SEMA5A: variants seen among roughly 807,000 people sequenced by gnomAD.
The protein encoded by SEMA5A is semaphorin 5A.
SEMA5A carries 55 observed loss-of-function variants against 135.5 expected under a neutral mutation model. The observed-to-expected ratio is 0.41, with a 90% CI of 0.33 to 0.51. The LOEUF is 0.51. SEMA5A is among the 20% of genes least tolerant of loss of function. The pLI is 0.37. For missense variants in SEMA5A, 1,290 were observed against 1,419.9 expected, an observed-to-expected ratio of 0.91 and a Z score of 1.47; for synonymous variants, 580 against 546.5, an observed-to-expected ratio of 1.06 and a Z score of -0.85.
chr5:9,411,600 T>A (rs1385102321), intron 2 of SEMA5A, among the ~76,000 whole-genome samples: 2 of 152,078 alleles, frequency 1.3e-5, no homozygotes, highest in Non-Finnish European at 2.9e-5. Context: ...TCCCATGAAC[T>A]CAGCTGTGCT....
At chr5:9,190,240 C>T (rs1745024006) in intron 11 of SEMA5A, 27 bp downstream of exon 11, 3 of 1,605,992 alleles carry the variant, frequency 1.9e-6, no homozygotes, top group Middle Eastern at 1.7e-4. Flanking sequence ...TGGTAGAAAA[C>T]CCCTCAGAGG....
intron 5 of SEMA5A, among the ~76,000 whole-genome samples, chr5:9,248,594 T>G: frequency 6.6e-6 from 1 of 150,556 alleles, no homozygotes; most frequent in South Asian, 2.1e-4. Flanking sequence ...CTGAAGATAA[T>G]TAAATTAAGG....
At chr5:9,334,870 T>G (rs1302727420) in intron 4 of SEMA5A, among the ~76,000 whole-genome samples, 2 of 152,244 alleles carry the variant, frequency 1.3e-5, no homozygotes, top group Non-Finnish European at 2.9e-5. Context: ...TTGCTAAGTC[T>G]GGCAATCCTA....
chr5:9,447,613 T>A lies in SEMA5A; in HGVS notation c.-174-9761A>T, dbSNP rs532283429. On this transcript the variant is annotated intron_variant, in intron 1 of 22. Transcript: ENST00000382496. ...GTTTGTTTCATGTTTTATAGAGGAC[T>A]TAACACTATATGAATCCCTGAGTGT... Among the ~76,000 whole-genome samples the A allele has an allele frequency of 2.6e-5, 4 of 152,296 alleles. No individual in the cohort carries two copies. In the East Asian group the frequency reaches 7.7e-4, roughly 29 times the overall value.
At chr5:9,128,181 G>T (rs1264441185) in intron 13 of SEMA5A, among the ~76,000 whole-genome samples, 2 of 152,164 alleles carry the variant, frequency 1.3e-5, no homozygotes, top group Non-Finnish European at 2.9e-5. Flanking sequence ...TCTGTGGTGA[G>T]TTGGGCTGGC....
Position 9,408,955 on chromosome 5 carries a change from T to C in SEMA5A, c.-78+28801A>G, listed in dbSNP as rs544855361. On this transcript the variant is annotated intron_variant, in intron 2 of 22. Transcript: ENST00000382496. ...CCTCTGAGAGCACGTTGAAGAAAATTTGGGCCCATTTTAAACACAGTTTAG... is the reference window on the plus strand; with the variant it reads ...CCTCTGAGAGCACGTTGAAGAAAATCTGGGCCCATTTTAAACACAGTTTAG... Among the ~76,000 whole-genome samples the C allele has an allele frequency of 2.6e-5, 4 of 152,164 alleles. No individual in the cohort carries two copies. In the South Asian group the frequency reaches 8.3e-4, roughly 32 times the overall value.
chr5:9,320,218 C>A (rs979788706), intron 4 of SEMA5A, among the ~76,000 whole-genome samples: 1 of 152,198 alleles, frequency 6.6e-6, no homozygotes, highest in African/African-American at 2.4e-5. Flanking sequence ...CTCTGATATA[C>A]CCCAAGAGAA....
intron 8 of SEMA5A, among the ~76,000 whole-genome samples, chr5:9,210,536 T>C (rs1380504143): frequency 1.3e-5 from 2 of 152,214 alleles, no homozygotes; most frequent in Admixed American, 6.5e-5. Context: ...TGGCAGCTCA[T>C]GCATGAAAAT....
chr5:9,470,955 G>C (rs1759454813), intron 1 of SEMA5A, among the ~76,000 whole-genome samples: 1 of 152,176 alleles, frequency 6.6e-6, no homozygotes, highest in African/African-American at 2.4e-5. Flanking sequence ...GCTGGAAAAA[G>C]CGATCCTAGT....
At chr5:9,384,619 CATAGATAGATAGATAGATAG>C (rs67211847) in intron 2 of SEMA5A, among the ~76,000 whole-genome samples, 1,235 of 85,764 alleles carry the variant, frequency 0.014, 59 homozygotes, top group Middle Eastern at 0.018. Flanking sequence ...TAGATAGATA[CATAGATAGATAGATAGATAG>C]ATAGATAGAT....
chr5:9,228,051 T>C (rs1457748543), intron 6 of SEMA5A, among the ~76,000 whole-genome samples: 1 of 152,194 alleles, frequency 6.6e-6, no homozygotes, highest in African/African-American at 2.4e-5. Flanking sequence ...TCCTCACTTA[T>C]TCAGCAAGCA....
chr5:9,237,327 C>A (rs1747962696), intron 6 of SEMA5A, among the ~76,000 whole-genome samples: 1 of 152,140 alleles, frequency 6.6e-6, no homozygotes, highest in African/African-American at 2.4e-5. Context: ...ACATTTCCAA[C>A]CTTAGCTATA....
intron 5 of SEMA5A, among the ~76,000 whole-genome samples, chr5:9,293,384 T>G: frequency 6.6e-6 from 1 of 151,934 alleles, no homozygotes; most frequent in East Asian, 1.9e-4. Flanking sequence ...TAAGAAGCCA[T>G]CTCCTCACCC....
At chr5:9,384,933 A>T (rs3026305) in intron 2 of SEMA5A, among the ~76,000 whole-genome samples, 111 of 152,352 alleles carry the variant, frequency 7.3e-4, no homozygotes, top group Non-Finnish European at 4.3e-4. Context: ...TATGTGCTAC[A>T]TTTGGGAAAT....
chr5:9,096,254 T>C (rs1739305091), intron 16 of SEMA5A, among the ~76,000 whole-genome samples: 1 of 152,194 alleles, frequency 6.6e-6, no homozygotes. Flanking sequence ...CATCATTAAC[T>C]ATAGTCCTAA....
At chr5:9,145,292 A>G (rs952813565) in intron 12 of SEMA5A, among the ~76,000 whole-genome samples, 11 of 152,174 alleles carry the variant, frequency 7.2e-5, no homozygotes, top group Admixed American at 6.5e-4. Context: ...ACACACTCCT[A>G]TGGAAACAGG....
At chr5:9,403,517 C>T (rs1161103369) in intron 2 of SEMA5A, among the ~76,000 whole-genome samples, 1 of 152,176 alleles carries the variant, frequency 6.6e-6, no homozygotes, top group Admixed American at 6.5e-5. Context: ...CGTTACAACA[C>T]TAGCATATTA....
At chr5:9,471,540 T>C (rs1006323796) in intron 1 of SEMA5A, among the ~76,000 whole-genome samples, 3 of 152,178 alleles carry the variant, frequency 2.0e-5, no homozygotes, top group Non-Finnish European at 4.4e-5. Flanking sequence ...GAATGCTTGA[T>C]TTAAGACTAG....
intron 1 of SEMA5A, among the ~76,000 whole-genome samples, chr5:9,527,464 A>C (rs890384308): frequency 1.3e-5 from 2 of 152,106 alleles, no homozygotes; most frequent in African/African-American, 2.4e-5. Flanking sequence ...TTTTTAGCAA[A>C]TTCCAATTTT....
Sources: allele counts gnomAD v4.1 joint callset (sites outside exome capture counted in the v4.1 genomes callset), GRCh38; gene constraint gnomAD v4.1.1; transcripts MANE v1.5; gene names NCBI Gene and HGNC (gene_info 2026-07-23, HGNC 2026-07-21).